CCSER1: variants seen among roughly 807,000 people sequenced by gnomAD.
CCSER1 encodes the protein coiled-coil serine rich protein 1, also known as serine-rich coiled-coil domain-containing protein 1.
Under a neutral mutation model 82.0 loss-of-function variants are expected in CCSER1, and 41 were observed. The observed-to-expected ratio is 0.50, with a 90% CI of 0.39 to 0.65. The LOEUF is 0.65. Among genes scored for constraint, CCSER1 ranks in the 30% least tolerant of loss-of-function variants. The pLI is 0.00. For missense variants in CCSER1, 1,119 were observed against 1,064.2 expected (o/e 1.05, Z -0.72); for synonymous variants, 414 against 383.9 (o/e 1.08, Z -0.92).
intron 10 of CCSER1, among the ~76,000 whole-genome samples, chr4:91,176,292 T>C (rs955202861): frequency 2.0e-5 from 3 of 152,164 alleles, no homozygotes; most frequent in Admixed American, 6.5e-5. Context: ...GCTTAGGATT[T>C]TCTTGGCAAT....
intron 3 of CCSER1, chr4:90,325,578 T>G (rs1229592210): frequency 2.4e-6 from 1 of 422,842 alleles, no homozygotes; most frequent in Non-Finnish European, 4.9e-6. Flanking sequence ...GCATAAGAGA[T>G]AATATTTATT....
chr4:90,904,870 A>G (rs1725224663), intron 8 of CCSER1, among the ~76,000 whole-genome samples: 1 of 151,930 alleles, frequency 6.6e-6, no homozygotes, highest in African/African-American at 2.4e-5. Context: ...AGTATCTCCC[A>G]TTCACCCTTA....
chr4:90,189,047 T>C (rs1735144114), intron 1 of CCSER1, among the ~76,000 whole-genome samples: 1 of 151,968 alleles, frequency 6.6e-6, no homozygotes. Context: ...TAGAAATGGA[T>C]GGCTATACTG....
chr4:91,461,781 T>C (rs1344822278), intron 10 of CCSER1, among the ~76,000 whole-genome samples: 2 of 152,208 alleles, frequency 1.3e-5, no homozygotes, highest in Non-Finnish European at 2.9e-5. Flanking sequence ...AAAGGGTATC[T>C]CTCAGTAACT....
intron 8 of CCSER1, among the ~76,000 whole-genome samples, chr4:90,851,379 C>T (rs73834569): frequency 0.013 from 1,836 of 136,314 alleles, 47 homozygotes; most frequent in African/African-American, 0.048. Context: ...ATTCAAGGTT[C>T]TTACTAGGGA....
chr4:90,666,389 C>G (rs75666882), intron 6 of CCSER1, among the ~76,000 whole-genome samples: 4,290 of 152,228 alleles, frequency 0.028, 190 homozygotes, highest in African/African-American at 0.098. Context: ...TTGAATTTTA[C>G]TGCACATGAA....
At chr4:90,697,135 G>C (rs931388082) in intron 6 of CCSER1, among the ~76,000 whole-genome samples, 5 of 152,130 alleles carry the variant, frequency 3.3e-5, no homozygotes, top group African/African-American at 1.2e-4. Context: ...TTCTCAAAGT[G>C]AGTCTCCAGA....
intron 9 of CCSER1, among the ~76,000 whole-genome samples, chr4:91,047,829 C>G (rs760608175): frequency 1.3e-5 from 2 of 152,014 alleles, no homozygotes; most frequent in African/African-American, 2.4e-5. Flanking sequence ...AAATATTCGC[C>G]AGAAAATAAG....
chr4:90,492,331 G>A (rs1768175204), intron 5 of CCSER1, among the ~76,000 whole-genome samples: 1 of 152,134 alleles, frequency 6.6e-6, no homozygotes, highest in South Asian at 2.1e-4. Flanking sequence ...TTCTCTAATA[G>A]TAGTTTGTAT....
At chr4:90,587,436 C>G (rs1444955989) in intron 5 of CCSER1, among the ~76,000 whole-genome samples, 1 of 152,102 alleles carries the variant, frequency 6.6e-6, no homozygotes, top group African/African-American at 2.4e-5. Flanking sequence ...CTGGTGAAAC[C>G]CCATCTCTAC....
intron 10 of CCSER1, among the ~76,000 whole-genome samples, chr4:91,378,493 T>C (rs930526414): frequency 1.3e-5 from 2 of 152,194 alleles, no homozygotes; most frequent in Non-Finnish European, 2.9e-5. Context: ...TTCCTAAGTA[T>C]TTTATTCTCT....
At chr4:90,898,319 G>A (rs1282057860) in intron 8 of CCSER1, among the ~76,000 whole-genome samples, 34 of 91,840 alleles carry the variant, frequency 3.7e-4, no homozygotes, top group Admixed American at 6.4e-4. Flanking sequence ...TCTTGCTCTT[G>A]TCGCCCAGGC....
At chr4:90,836,854 C>T (rs186947423) in intron 8 of CCSER1, among the ~76,000 whole-genome samples, 3 of 152,312 alleles carry the variant, frequency 2.0e-5, no homozygotes, top group African/African-American at 4.8e-5. Flanking sequence ...TCTAGACCAT[C>T]GCAACAAAAC....
intron 1 of CCSER1, among the ~76,000 whole-genome samples, chr4:90,169,884 A>G (rs7655515): frequency 0.31 from 46,385 of 151,620 alleles, 8,206 homozygotes; most frequent in Non-Finnish European, 0.41. Context: ...AAACCTTTTC[A>G]TGCCATTTTC....
At chr4:90,522,071 G>T (rs1773208575) in intron 5 of CCSER1, among the ~76,000 whole-genome samples, 1 of 152,118 alleles carries the variant, frequency 6.6e-6, no homozygotes, top group African/African-American at 2.4e-5. Flanking sequence ...GCTCTCTAGT[G>T]AAAACTCCAA....
At chr4:90,387,061 T>C (rs1305213333) in intron 3 of CCSER1, among the ~76,000 whole-genome samples, 5 of 152,202 alleles carry the variant, frequency 3.3e-5, no homozygotes, top group African/African-American at 1.2e-4. Context: ...GAATAAGGAA[T>C]ACGTTAATTT....
At chr4:90,395,690 C>T (rs563047006) in intron 3 of CCSER1, among the ~76,000 whole-genome samples, 52 of 151,262 alleles carry the variant, frequency 3.4e-4, no homozygotes, top group Non-Finnish European at 6.8e-4. Flanking sequence ...TTAAAGCCCA[C>T]CTTTTAATTT....
chr4:91,041,532 G>A (rs1741953682), intron 9 of CCSER1, among the ~76,000 whole-genome samples: 2 of 152,122 alleles, frequency 1.3e-5, no homozygotes, highest in South Asian at 4.1e-4. Context: ...ATAATTAGAA[G>A]CAAAGAATCC....
intron 7 of CCSER1, among the ~76,000 whole-genome samples, chr4:90,791,694 CA>C (rs1379385926): frequency 6.6e-6 from 1 of 151,568 alleles, no homozygotes; most frequent in Non-Finnish European, 1.5e-5. Flanking sequence ...ACTAAAAATA[CA>C]AAAAATTAGC....
Sources: gnomAD v4.1 joint callset for allele counts (sites outside exome capture counted in the v4.1 genomes callset) on GRCh38, gnomAD v4.1.1 for gene constraint, MANE v1.5 for transcripts, NCBI Gene and HGNC (gene_info 2026-07-23, HGNC 2026-07-21) for gene names.